Variants in ANKRD11 observed in about 807,000 individuals in gnomAD.
ANKRD11 encodes ankyrin repeat domain 11.
A neutral mutation model predicts 195.7 loss-of-function variants in ANKRD11; 17 were observed. That is an observed-to-expected ratio of 0.09 (90% CI 0.06 to 0.13). The LOEUF is 0.13. ANKRD11 is among the 10% of genes least tolerant of loss of function. The pLI is 1.00. For missense variants in ANKRD11, 3,735 were observed against 3,566.1 expected, an observed-to-expected ratio of 1.05 and a Z score of -1.21; for synonymous variants, 1,953 against 1,528.1, an observed-to-expected ratio of 1.28 and a Z score of -6.49.
At chr16:89,477,753 C>A (rs2057305935) in intron 1 of ANKRD11, among the ~76,000 whole-genome samples, 1 of 151,756 alleles carries the variant, frequency 6.6e-6, no homozygotes, top group Non-Finnish European at 1.5e-5. Flanking sequence ...AGGTACATCA[C>A]CTGAGGTCAG....
intron 1 of ANKRD11, among the ~76,000 whole-genome samples, chr16:89,440,165 C>A (rs2043384331): frequency 1.3e-5 from 2 of 152,226 alleles, no homozygotes; most frequent in African/African-American, 2.4e-5. Flanking sequence ...CTCAAGGGGA[C>A]AATGGCAGGG....
chr16:89,433,948 A>G (rs2043105724), intron 1 of ANKRD11, among the ~76,000 whole-genome samples: 2 of 152,318 alleles, frequency 1.3e-5, no homozygotes, highest in South Asian at 4.2e-4. Flanking sequence ...TAACCACACT[A>G]TAAGGGAGAA....
chr16:89,381,419 C>T (rs1038748767), intron 2 of ANKRD11, among the ~76,000 whole-genome samples: 4 of 151,134 alleles, frequency 2.6e-5, no homozygotes, highest in Non-Finnish European at 5.9e-5. Flanking sequence ...CTCCCAGACA[C>T]CAACACCTAC....
Position 89,285,143 on chromosome 16 carries a change from C to A in ANKRD11, c.1399G>T (p.Val467Phe). The change falls in exon 9 of 13, where the codon GTT (valine) becomes TTT (phenylalanine). Residue 467 changes from valine to phenylalanine, a missense_variant. Coordinates refer to ENST00000301030, the MANE Select transcript of ANKRD11 (RefSeq NM_013275.6). This position sits in a 1 kb window ranked among gnomAD's most constrained non-coding sequence, Gnocchi z 5.6. The part of the protein sequence containing the change: ...KRKKETKGRE[V>F]RFGKRSDKFC... ...TTGTCGCTCCGCTTTCCGAAGCGAA[C>A]CTCTCTGCCTTTTGTTTCTTTCTTT... The A allele has an allele frequency of 1.2e-6, 2 of 1,613,596 alleles. No individual in the cohort carries two copies. Among genetic ancestry groups the A allele is most frequent in the South Asian group, 2.2e-5 (2 of 91,084 alleles).
chr16:89,306,350 C>T (rs1206679691), intron 3 of ANKRD11, among the ~76,000 whole-genome samples: 4 of 73,336 alleles, frequency 5.5e-5, no homozygotes, highest in Non-Finnish European at 5.1e-5. Flanking sequence ...ACACGCGCCA[C>T]CTACCTCCCA....
intron 2 of ANKRD11, chr16:89,395,624 G>A (rs945163754): frequency 3.9e-5 from 6 of 152,214 alleles, no homozygotes; most frequent in African/African-American, 1.2e-4. Flanking sequence ...TAGGTATCAG[G>A]GGAGGTAAGT....
At position 89,279,855 on chromosome 16, in the gene ANKRD11, C is replaced by G; in HGVS notation, c.6687G>C (p.Glu2229Asp). Residue 2229 changes from glutamate (E) to aspartate (D), a missense_variant, in exon 9 of 13, where the codon GAG becomes GAC. Physicochemically the swap from Glu to Asp is conservative, Grantham distance 45 (BLOSUM62 2). Coordinates refer to ENST00000301030, the MANE Select transcript of ANKRD11 (RefSeq NM_013275.6). This position sits in a 1 kb window ranked among gnomAD's most constrained non-coding sequence, Gnocchi z 5.6. ...AAVEAETVPEERARGDPDSSV... is the reference protein window; with the variant it reads ...AAVEAETVPEDRARGDPDSSV... The stretch of plus-strand genomic sequence containing the variant: ...TGGAGTCCGGATCCCCACGGGCCCT[C>G]TCTTCCGGCACCGTCTCCGCCTCCA... The G allele has an allele frequency of 6.4e-7, 1 of 1,554,062 alleles. No homozygotes were observed. Among genetic ancestry groups the G allele is most frequent in the Non-Finnish European group, 8.7e-7 (1 of 1,150,952 alleles).
At chr16:89,481,768 G>T (rs186735801) in intron 1 of ANKRD11, among the ~76,000 whole-genome samples, 1 of 152,042 alleles carries the variant, frequency 6.6e-6, no homozygotes, top group African/African-American at 2.4e-5. Flanking sequence ...ATGGGCTTTC[G>T]TGTTCAGACA....
At chr16:89,474,020 G>A (rs112394394) in intron 1 of ANKRD11, among the ~76,000 whole-genome samples, 2 of 152,326 alleles carry the variant, frequency 1.3e-5, no homozygotes, top group African/African-American at 4.8e-5. Flanking sequence ...GGGGCCATGC[G>A]CCAAGCAAGT....
chr16:89,432,411 C>T (rs1221232708), intron 1 of ANKRD11, among the ~76,000 whole-genome samples: 1 of 152,076 alleles, frequency 6.6e-6, no homozygotes, highest in Non-Finnish European at 1.5e-5. Context: ...TCCCAGAGCC[C>T]GTGGCATGCA....
intron 2 of ANKRD11, among the ~76,000 whole-genome samples, chr16:89,371,874 T>C (rs544098417): frequency 2.0e-5 from 3 of 152,320 alleles, no homozygotes; most frequent in African/African-American, 4.8e-5. Flanking sequence ...GAGGTAGACC[T>C]GGTGACCGTG....
At chr16:89,339,582 A>G (rs1001275030) in intron 2 of ANKRD11, among the ~76,000 whole-genome samples, 2 of 152,198 alleles carry the variant, frequency 1.3e-5, no homozygotes, top group Non-Finnish European at 2.9e-5. Context: ...TATATTTTAT[A>G]ATTTCTACAC....
intron 2 of ANKRD11, among the ~76,000 whole-genome samples, chr16:89,328,511 G>T (rs1468025215): frequency 6.6e-6 from 1 of 152,260 alleles, no homozygotes; most frequent in Non-Finnish European, 1.5e-5. Context: ...AGCAGTAAAA[G>T]GGATGGCTAT....
intron 2 of ANKRD11, among the ~76,000 whole-genome samples, chr16:89,368,795 A>T (rs959732761): frequency 6.6e-6 from 1 of 151,882 alleles, no homozygotes; most frequent in Non-Finnish European, 1.5e-5. Flanking sequence ...GGTTTCAGCT[A>T]CTCCAGAGGC....
chr16:89,476,218 A>C (rs1261337565), intron 1 of ANKRD11, among the ~76,000 whole-genome samples: 1 of 152,126 alleles, frequency 6.6e-6, no homozygotes, highest in Admixed American at 6.6e-5. Context: ...CAAAAGATGA[A>C]ATCAAATTCA....
intron 2 of ANKRD11, among the ~76,000 whole-genome samples, chr16:89,375,220 A>G (rs1286680571): frequency 1.3e-5 from 2 of 152,078 alleles, no homozygotes; most frequent in Admixed American, 1.3e-4. Flanking sequence ...TCCGCTTAAA[A>G]CACCGTGTGA....
At chr16:89,352,297 C>G (rs112144981) in intron 2 of ANKRD11, among the ~76,000 whole-genome samples, 15,938 of 151,856 alleles carry the variant, frequency 0.1, 1,080 homozygotes, top group Admixed American at 0.17. Flanking sequence ...AGGTATGCAT[C>G]ACGCCACGCG....
At chr16:89,336,210 C>G (rs1368820820) in intron 2 of ANKRD11, among the ~76,000 whole-genome samples, 2 of 152,196 alleles carry the variant, frequency 1.3e-5, no homozygotes, top group South Asian at 2.1e-4. Flanking sequence ...GTGGGCTACT[C>G]AAGACTTGAG....
intron 2 of ANKRD11, among the ~76,000 whole-genome samples, chr16:89,319,054 A>G (rs1032333647): frequency 6.6e-6 from 1 of 152,226 alleles, no homozygotes; most frequent in African/African-American, 2.4e-5. Flanking sequence ...GGTAATGTTT[A>G]CAAGTTTAAG....
Sources: gnomAD v4.1 joint callset for allele counts (sites outside exome capture counted in the v4.1 genomes callset) on GRCh38, gnomAD v4.1.1 for gene constraint, Gnocchi (gnomAD v3.1) non-coding constraint, MANE v1.5 for transcripts, NCBI Gene and HGNC (gene_info 2026-07-23, HGNC 2026-07-21) for gene names.